ZNRF3: variants seen among roughly 807,000 people sequenced by gnomAD.
ZNRF3 encodes E3 ubiquitin-protein ligase ZNRF3.
A neutral mutation model predicts 72.5 loss-of-function variants in ZNRF3; 23 were observed. That is an observed-to-expected ratio of 0.32 (90% CI 0.23 to 0.45). The LOEUF (loss-of-function observed/expected upper bound fraction) is 0.45. Among genes scored for constraint, ZNRF3 ranks in the 20% least tolerant of loss-of-function variants. The pLI is 1.00. For missense variants in ZNRF3, 1,169 were observed against 1,272.1 expected, an observed-to-expected ratio of 0.92 and a Z score of 1.23; for synonymous variants, 610 against 545.3, an observed-to-expected ratio of 1.12 and a Z score of -1.65.
At chr22:28,928,742 C>T (rs892929770) in intron 1 of ZNRF3, among the ~76,000 whole-genome samples, 16 of 151,948 alleles carry the variant, frequency 1.1e-4, no homozygotes, top group African/African-American at 3.1e-4. Context: ...ATGATCCGCC[C>T]GCCTCGGCCT....
chr22:28,894,450 A>G (rs930425557), intron 1 of ZNRF3, among the ~76,000 whole-genome samples: 1 of 151,480 alleles, frequency 6.6e-6, no homozygotes, highest in African/African-American at 2.4e-5. Flanking sequence ...GTATCAGAGC[A>G]TGATTCAGGA....
intron 6 of ZNRF3, among the ~76,000 whole-genome samples, chr22:29,047,996 C>G (rs1344656405): frequency 6.6e-6 from 1 of 152,172 alleles, no homozygotes; most frequent in Non-Finnish European, 1.5e-5. Context: ...ACAGCCAGCA[C>G]CTCAGAGATG....
At chr22:28,996,437 T>C (rs1490786023) in intron 2 of ZNRF3, among the ~76,000 whole-genome samples, 2 of 152,238 alleles carry the variant, frequency 1.3e-5, no homozygotes, top group Admixed American at 1.3e-4. Context: ...TCAATAGATA[T>C]AACCAAATCA....
intron 1 of ZNRF3, among the ~76,000 whole-genome samples, chr22:28,899,066 A>G (rs531388124): frequency 2.0e-5 from 3 of 150,818 alleles, no homozygotes; most frequent in Admixed American, 1.3e-4. Flanking sequence ...CTGCCTTTTC[A>G]TGGCATGTTC....
At chr22:28,992,708 G>T (rs1301352527) in intron 2 of ZNRF3, 1 of 152,312 alleles carries the variant, frequency 6.6e-6, no homozygotes. Flanking sequence ...GGCCCCTGCA[G>T]TCACTAAATC....
At chr22:28,945,955 G>A (rs1288158137) in intron 1 of ZNRF3, among the ~76,000 whole-genome samples, 4 of 152,180 alleles carry the variant, frequency 2.6e-5, no homozygotes, top group Non-Finnish European at 5.9e-5. Flanking sequence ...AAGTTCTTCA[G>A]TGGTCAGGTA....
intron 2 of ZNRF3, among the ~76,000 whole-genome samples, chr22:28,991,686 A>T (rs1316591271): frequency 6.6e-6 from 1 of 152,168 alleles, no homozygotes; most frequent in Non-Finnish European, 1.5e-5. Flanking sequence ...TCCTATCCAG[A>T]TTCCCATTTT....
At chr22:29,038,480 A>T (rs1367792539) in intron 2 of ZNRF3, among the ~76,000 whole-genome samples, 1 of 151,884 alleles carries the variant, frequency 6.6e-6, no homozygotes, top group East Asian at 1.9e-4. Flanking sequence ...CTACAGGTGA[A>T]TGCCACCATG....
intron 1 of ZNRF3, among the ~76,000 whole-genome samples, chr22:28,895,901 C>A (rs2033985133): frequency 6.6e-6 from 1 of 152,100 alleles, no homozygotes. Context: ...TATCTTAGTT[C>A]ATCCTCTCAT....
intron 1 of ZNRF3, among the ~76,000 whole-genome samples, chr22:28,948,652 G>T (rs1011538106): frequency 1.3e-5 from 2 of 152,206 alleles, no homozygotes; most frequent in African/African-American, 4.8e-5. Context: ...CAGATATGTA[G>T]TTGGAAAAGG....
intron 1 of ZNRF3, among the ~76,000 whole-genome samples, chr22:28,955,900 CAG>C (rs2035251716): frequency 1.3e-5 from 2 of 152,140 alleles, no homozygotes; most frequent in African/African-American, 4.8e-5. Flanking sequence ...GCCTAGATGA[CAG>C]AGTGAGACCT....
intron 1 of ZNRF3, among the ~76,000 whole-genome samples, chr22:28,975,883 A>G (rs770222000): frequency 2.6e-5 from 4 of 152,232 alleles, no homozygotes; most frequent in Non-Finnish European, 5.9e-5. Context: ...CAGCATGGCC[A>G]GAATGTGTTT....
intron 2 of ZNRF3, among the ~76,000 whole-genome samples, chr22:29,040,642 CAG>C (rs751658062): frequency 2.2e-4 from 33 of 152,172 alleles, no homozygotes; most frequent in Non-Finnish European, 4.1e-4. Flanking sequence ...GGTGATGAAA[CAG>C]GGTGTGGTGG....
At position 28,886,014 on chromosome 22, in the gene ZNRF3, G is replaced by C. The variant is rs976535461; in HGVS notation, c.300+1948G>C. ...TTTACTTGTTAAGCAATCACTAATA[G>C]GTGTCCTTAATTCCCTTATAGCTGC... On this transcript the variant is annotated intron_variant, in intron 1 of 8. Coordinates refer to ENST00000544604, the MANE Select transcript of ZNRF3 (RefSeq NM_001206998.2). Among the ~76,000 whole-genome samples, 10 of 152,134 alleles carry C rather than the reference G, an allele frequency of 6.6e-5. No homozygotes were observed. The South Asian group carries it at 8.3e-4, about 13-fold the overall frequency.
chr22:29,055,247 C>T lies in ZNRF3; in HGVS notation c.*1625C>T, dbSNP rs1447301937. On this transcript the variant is annotated 3_prime_UTR_variant, in exon 9 of 9. Transcript: ENST00000544604. ...ATATTAGTCTTTGTGTTCACTAACT[C>T]TTCTGGTCACTTGTATTTATTTATT... The T allele has an allele frequency of 6.6e-6, 1 of 152,164 alleles. No homozygotes were observed. The highest frequency in any genetic ancestry group is 1.5e-5 in the Non-Finnish European group (1 of 68,004). 9.4% of individuals were successfully genotyped at this position (152,164 alleles called of 1,614,324 possible). A position where few individuals can be genotyped will look rare whatever the true frequency, so the allele number is the denominator to read the frequency against.
chr22:28,978,054 T>C (rs1363357625), intron 1 of ZNRF3, among the ~76,000 whole-genome samples: 2 of 152,216 alleles, frequency 1.3e-5, no homozygotes, highest in African/African-American at 4.8e-5. Flanking sequence ...ACCATGATAG[T>C]CAGTCTCACT....
At chr22:28,976,806 A>G (rs1364893749) in intron 1 of ZNRF3, among the ~76,000 whole-genome samples, 1 of 152,208 alleles carries the variant, frequency 6.6e-6, no homozygotes, top group African/African-American at 2.4e-5. Flanking sequence ...ATGAATTTAG[A>G]ATTAATTTAG....
chr22:28,994,176 C>CTTTTT lies in ZNRF3; in HGVS notation c.426+6998_426+7002dup, dbSNP rs57329565. On this transcript the variant is annotated intron_variant, in intron 2 of 8. Transcript: ENST00000544604. ...TCCTTTATTGTCCTTCAGTTCCTTT[C>CTTTTT]TTTTTTTTTTTTTTTTTTTTTTTTT... Among the ~76,000 whole-genome samples the CTTTTT allele has an allele frequency of 8.8e-4, 35 of 39,804 alleles. 2 individuals are homozygous for CTTTTT. Among genetic ancestry groups the CTTTTT allele is most frequent in the South Asian group, 2.7e-3 (2 of 748 alleles). 26.1% of individuals were successfully genotyped at this position (39,804 alleles called of 152,430 possible).
chr22:29,053,956 A>C lies in ZNRF3; in HGVS notation c.*334A>C. On this transcript the variant is annotated 3_prime_UTR_variant, in exon 9 of 9. Transcript: ENST00000544604. ...TTAAGATATTGTATGTAAATGTAAA[A>C]AGTTATTTAAATATATATTTTAAAG... The C allele has an allele frequency of 5.7e-6, 1 of 175,324 alleles. No homozygotes were observed. The allele number at this position is 175,324 out of a possible 1,614,324, so 10.9% of individuals were successfully genotyped here.
Sources: gnomAD v4.1 joint callset for allele counts (sites outside exome capture counted in the v4.1 genomes callset) on GRCh38, gnomAD v4.1.1 for gene constraint, MANE v1.5 for transcripts, NCBI Gene and HGNC (gene_info 2026-07-23, HGNC 2026-07-21) for gene names.